Variants in BAZ1A observed in about 807,000 individuals in gnomAD.
BAZ1A encodes bromodomain adjacent to zinc finger domain 1A.
Under a neutral mutation model 185.2 loss-of-function variants are expected in BAZ1A, and 50 were observed. The ratio of observed to expected loss-of-function variants is 0.27; its 90% confidence interval spans 0.22 to 0.34. BAZ1A has a LOEUF of 0.34. BAZ1A is among the 10% of genes least tolerant of loss of function. The probability of loss-of-function intolerance (pLI) is 1.00; values close to 1 mark genes in which losing one functional copy is unlikely to be tolerated. For missense variants in BAZ1A, 1,356 were observed against 1,839.9 expected, an observed-to-expected ratio of 0.74 and a Z score of 4.81; for synonymous variants, 571 against 615.6, an observed-to-expected ratio of 0.93 and a Z score of 1.07.
chr14:34,754,583 TTGAG>T (rs1886161783), intron 26 of BAZ1A, among the ~76,000 whole-genome samples: 1 of 152,188 alleles, frequency 6.6e-6, no homozygotes. Context: ...AAGAACTTCT[TTGAG>T]TAAGATCAGA....
chr14:34,795,988 A>G (rs890147408), intron 9 of BAZ1A, among the ~76,000 whole-genome samples: 2 of 152,046 alleles, frequency 1.3e-5, no homozygotes, highest in African/African-American at 2.4e-5. Context: ...AATAATACCT[A>G]TCAAAATAAT....
rs559882509 is a variant in BAZ1A, at chr14:34,820,740, G to A, written c.536+5273C>T. Reference sequence around the variant, plus strand: ...CATTTTGAGTTAATTTTTGTAAAAAGTATAAAGTCTATGTCTAGATTTTTT... The same window carrying A: ...CATTTTGAGTTAATTTTTGTAAAAAATATAAAGTCTATGTCTAGATTTTTT... On this transcript the variant is annotated intron_variant, in intron 4 of 26. Transcript: ENST00000360310. 7.6e-5 allele frequency among the ~76,000 whole-genome samples: 11 copies of A among 145,182 alleles called. No homozygotes were observed. The South Asian group carries it at 8.9e-4, about 12-fold the overall frequency.
At chr14:34,793,611 A>G (rs1188283257) in intron 11 of BAZ1A, among the ~76,000 whole-genome samples, 1 of 152,190 alleles carries the variant, frequency 6.6e-6, no homozygotes, top group East Asian at 1.9e-4. Flanking sequence ...GATTGAGACC[A>G]TCCTGGCTAA....
At chr14:34,771,755 G>T in intron 20 of BAZ1A, 96 bp from the exon 21 acceptor site, 1 of 1,148,218 alleles carries the variant, frequency 8.7e-7, no homozygotes, top group Non-Finnish European at 1.2e-6. Flanking sequence ...TTATACCTTT[G>T]TAAAAAATCA....
chr14:34,860,536 G>GA (rs2042752195), intron 3 of BAZ1A, among the ~76,000 whole-genome samples: 6 of 93,156 alleles, frequency 6.4e-5, no homozygotes, highest in Middle Eastern at 7.8e-3. Context: ...AAAAAAAAAA[G>GA]CAAAAAAAAA....
chr14:34,875,125 G>A lies in BAZ1A; in HGVS notation c.-59+13C>T. 2.7e-6 allele frequency: 1 copy of A among 372,038 alleles called. No homozygotes were observed. Among genetic ancestry groups the A allele is most frequent in the Non-Finnish European group, 5.4e-6 (1 of 185,862 alleles). The allele number at this position is 372,038 out of a possible 1,614,324, so 23.0% of individuals were successfully genotyped here. A position where few individuals can be genotyped will look rare whatever the true frequency, so the allele number is the denominator to read the frequency against. On this transcript the variant is annotated intron_variant, in intron 1 of 26. Transcript: ENST00000360310. ...TCCCCGCCGGCGCCGGCCGGCTCCC[G>A]AGCGACCCTCACCTGCGATCACGCC...
chr14:34,789,838 T>C (rs1880725599), intron 12 of BAZ1A, among the ~76,000 whole-genome samples: 1 of 152,208 alleles, frequency 6.6e-6, no homozygotes, highest in African/African-American at 2.4e-5. Context: ...TTTCAACTTC[T>C]TTACCGTATT....
rs397852116 is a variant in BAZ1A, at chr14:34,860,518, TAAAAAA to T, written c.392+1520_392+1525del. ...GCCAGACCTCATCTATACCAAAAGT[TAAAAAA>T]AAAAAAAAAAAGCAAAAAAAAAAAA... On this transcript the variant is annotated intron_variant, in intron 3 of 26. Transcript: ENST00000360310. Among the ~76,000 whole-genome samples, 564 of 70,610 alleles carry T rather than the reference TAAAAAA, an allele frequency of 8.0e-3. 3 individuals are homozygous for T. Among genetic ancestry groups the T allele is most frequent in the South Asian group, 0.018 (36 of 1,988 alleles). 46.3% of individuals were successfully genotyped at this position (70,610 alleles called of 152,430 possible). A position where few individuals can be genotyped will look rare whatever the true frequency, so the allele number is the denominator to read the frequency against.
intron 18 of BAZ1A, among the ~76,000 whole-genome samples, chr14:34,774,878 T>A (rs1879481947): frequency 6.6e-6 from 1 of 152,194 alleles, no homozygotes; most frequent in African/African-American, 2.4e-5. Context: ...TCTGAATAGA[T>A]ATTTAAGGAA....
At chr14:34,831,303 T>A (rs1476209062) in intron 3 of BAZ1A, among the ~76,000 whole-genome samples, 1 of 152,206 alleles carries the variant, frequency 6.6e-6, no homozygotes, top group Non-Finnish European at 1.5e-5. Context: ...TAGGCACTAC[T>A]TTGCTGAGCT....
chr14:34,785,669 CTCTTT>C, intron 14 of BAZ1A, 103 bp downstream of exon 14: 1 of 835,814 alleles, frequency 1.2e-6, no homozygotes, highest in Admixed American at 2.7e-5. Context: ...TTCTCTTTTT[CTCTTT>C]TAATACTGAT....
At position 34,874,565 on chromosome 14, in the gene BAZ1A, G is replaced by T; in HGVS notation, c.40C>A (p.Pro14Thr). Residue 14 changes from proline to threonine, a missense_variant, in exon 2 of 27, where the codon CCG becomes ACG. Pro to Thr is a conservative substitution (Grantham distance 38). Transcript: ENST00000360310. This position sits in a 1 kb window ranked among gnomAD's most constrained non-coding sequence, Gnocchi z 4.7. ...LHRKPFVRQK[P>T]PADLRPDEEV... is the part of the protein sequence containing the mutation. ...TCGTCGGGCCGCAGGTCCGCGGGCG[G>T]CTTCTGTCTCACAAACGGCTTTCGG... 2 of 1,611,728 alleles carry T rather than the reference G, an allele frequency of 1.2e-6. No individual in the cohort carries two copies. Among genetic ancestry groups the T allele is most frequent in the Non-Finnish European group, 1.7e-6 (2 of 1,179,028 alleles).
chr14:34,758,530 A>T, intron 25 of BAZ1A, 174 bp downstream of exon 25: 1 of 562,944 alleles, frequency 1.8e-6, no homozygotes, highest in Non-Finnish European at 3.0e-6. Context: ...CAGTGAGCCG[A>T]GATCGCGCCA....
At chr14:34,801,557 A>C (rs1201300182) in intron 7 of BAZ1A, among the ~76,000 whole-genome samples, 1 of 152,180 alleles carries the variant, frequency 6.6e-6, no homozygotes, top group East Asian at 1.9e-4. Flanking sequence ...CAGCCTCCCA[A>C]AGTACTGGGA....
intron 3 of BAZ1A, among the ~76,000 whole-genome samples, chr14:34,845,812 G>A (rs1196269587): frequency 6.8e-6 from 1 of 146,802 alleles, no homozygotes; most frequent in Non-Finnish European, 1.5e-5. Flanking sequence ...AGTGAGCCGA[G>A]ATCGTGCCAC....
chr14:34,846,625 T>A (rs74043572), intron 3 of BAZ1A, among the ~76,000 whole-genome samples: 1 of 152,246 alleles, frequency 6.6e-6, no homozygotes, highest in African/African-American at 2.4e-5. Context: ...TGACTATGTA[T>A]GAATTTTTAG....
intron 6 of BAZ1A, among the ~76,000 whole-genome samples, chr14:34,804,115 C>A (rs1881723909): frequency 6.6e-6 from 1 of 152,164 alleles, no homozygotes; most frequent in Non-Finnish European, 1.5e-5. Context: ...TCAAGTGATT[C>A]TCCTGCCTCA....
chr14:34,828,336 A>G (rs534059994), intron 3 of BAZ1A, among the ~76,000 whole-genome samples: 2 of 149,572 alleles, frequency 1.3e-5, no homozygotes, highest in African/African-American at 4.9e-5. Context: ...TCCCATCTCT[A>G]TTGTGCTAAT....
At chr14:34,801,559 G>A (rs1434059738) in intron 7 of BAZ1A, among the ~76,000 whole-genome samples, 1 of 152,190 alleles carries the variant, frequency 6.6e-6, no homozygotes, top group Non-Finnish European at 1.5e-5. Flanking sequence ...GCCTCCCAAA[G>A]TACTGGGATT....
Sources: gnomAD v4.1 joint callset for allele counts (sites outside exome capture counted in the v4.1 genomes callset) on GRCh38, gnomAD v4.1.1 for gene constraint, Gnocchi (gnomAD v3.1) non-coding constraint, MANE v1.5 for transcripts, NCBI Gene and HGNC (gene_info 2026-07-23, HGNC 2026-07-21) for gene names.